LUZP2: variants seen among roughly 807,000 people sequenced by gnomAD.
The protein encoded by LUZP2 is leucine zipper protein 2.
Under a neutral mutation model 51.6 loss-of-function variants are expected in LUZP2, and 52 were observed. The observed-to-expected ratio is 1.01, with a 90% CI of 0.81 to 1.27. The LOEUF (loss-of-function observed/expected upper bound fraction) is 1.27, where lower values mean the gene tolerates loss of function less well. Among genes scored for constraint, LUZP2 ranks in the 50% most tolerant of loss-of-function variants. The pLI is 0.00. For missense variants in LUZP2, 436 were observed against 395.4 expected, an observed-to-expected ratio of 1.10 and a Z score of -0.87; for synonymous variants, 154 against 137.3, an observed-to-expected ratio of 1.12 and a Z score of -0.85.
chr11:24,831,855 A>G (rs542138602), intron 5 of LUZP2: 42 of 152,698 alleles, frequency 2.8e-4, no homozygotes, highest in Non-Finnish European at 5.3e-4. Flanking sequence ...TTTGTAATAA[A>G]TAAATCTCTC....
chr11:24,933,122 C>G (rs887104277), intron 7 of LUZP2, among the ~76,000 whole-genome samples: 1 of 152,202 alleles, frequency 6.6e-6, no homozygotes, highest in African/African-American at 2.4e-5. Flanking sequence ...TTCAGGGGTG[C>G]ACAATCCTCC....
At chr11:24,704,456 A>C (rs891082758) in intron 1 of LUZP2, among the ~76,000 whole-genome samples, 24 of 151,724 alleles carry the variant, frequency 1.6e-4, no homozygotes, top group South Asian at 4.2e-4. Context: ...AAAAAAAAAA[A>C]CAGGATTACG....
chr11:24,925,124 A>T lies in LUZP2; in HGVS notation c.522+10586A>T, dbSNP rs564059292. Among the ~76,000 whole-genome samples the T allele has an allele frequency of 5.3e-5, 8 of 152,254 alleles. No individual in the cohort carries two copies. In the South Asian group the frequency reaches 1.7e-3, roughly 32 times the overall value. On this transcript the variant is annotated intron_variant, in intron 7 of 11. Coordinates refer to ENST00000336930, the MANE Select transcript of LUZP2 (RefSeq NM_001009909.4). ...AAAGAAATATATTTTGTGGTAAAAT[A>T]TTTTAATTTATTTCAGGGCCTACTA...
chr11:24,962,165 C>G (rs1306539070), intron 7 of LUZP2, among the ~76,000 whole-genome samples: 4 of 152,118 alleles, frequency 2.6e-5, no homozygotes, highest in Non-Finnish European at 5.9e-5. Context: ...ACCTTTCTCT[C>G]TGGCTGCCCT....
chr11:24,750,104 GT>G (rs549893868), intron 4 of LUZP2, among the ~76,000 whole-genome samples: 102 of 152,296 alleles, frequency 6.7e-4, no homozygotes, highest in African/African-American at 2.4e-3. Context: ...TATCTGACTT[GT>G]CAGAATACTC....
intron 5 of LUZP2, among the ~76,000 whole-genome samples, chr11:24,775,111 G>C (rs1235527979): frequency 1.3e-5 from 2 of 151,986 alleles, no homozygotes. Context: ...TGGAAAGGGG[G>C]AAGATGACGA....
intron 1 of LUZP2, among the ~76,000 whole-genome samples, chr11:24,615,443 A>G (rs1431688119): frequency 6.6e-6 from 1 of 152,052 alleles, no homozygotes; most frequent in East Asian, 1.9e-4. Context: ...TATTTTATCC[A>G]GTGTAATTCT....
chr11:24,599,887 T>C (rs1407457889), intron 1 of LUZP2, among the ~76,000 whole-genome samples: 1 of 152,140 alleles, frequency 6.6e-6, no homozygotes, highest in African/African-American at 2.4e-5. Flanking sequence ...CTCAAAGTTC[T>C]TTGCATCTTA....
At chr11:24,527,231 A>T (rs1287116864) in intron 1 of LUZP2, among the ~76,000 whole-genome samples, 1 of 151,350 alleles carries the variant, frequency 6.6e-6, no homozygotes, top group Non-Finnish European at 1.5e-5. Flanking sequence ...TTCTAAAAAG[A>T]GGCACATATG....
chr11:24,778,965 A>T (rs1386930095), intron 5 of LUZP2, among the ~76,000 whole-genome samples: 1 of 152,180 alleles, frequency 6.6e-6, no homozygotes, highest in Non-Finnish European at 1.5e-5. Flanking sequence ...TTAGTATTTC[A>T]AACAGGTGAC....
At chr11:24,523,800 C>A (rs1264981567) in intron 1 of LUZP2, among the ~76,000 whole-genome samples, 1 of 151,576 alleles carries the variant, frequency 6.6e-6, no homozygotes, top group Non-Finnish European at 1.5e-5. Flanking sequence ...TTGATCCCAA[C>A]AAAATACCTT....
chr11:24,913,808 A>C (rs575610825), intron 6 of LUZP2, among the ~76,000 whole-genome samples: 1 of 152,196 alleles, frequency 6.6e-6, no homozygotes, highest in South Asian at 2.1e-4. Flanking sequence ...TGAAGTCCTT[A>C]TATTTAATGT....
chr11:24,934,024 G>A (rs959414073), intron 7 of LUZP2, among the ~76,000 whole-genome samples: 1 of 152,158 alleles, frequency 6.6e-6, no homozygotes, highest in Non-Finnish European at 1.5e-5. Context: ...ATCGTACAAA[G>A]TACATTCTCA....
intron 7 of LUZP2, among the ~76,000 whole-genome samples, chr11:24,951,449 A>C (rs1855076319): frequency 6.6e-6 from 1 of 151,576 alleles, no homozygotes; most frequent in Admixed American, 6.6e-5. Context: ...CAATGCTTTT[A>C]AGTTATATTT....
At chr11:24,796,308 A>G (rs746608858) in intron 5 of LUZP2, among the ~76,000 whole-genome samples, 4 of 152,068 alleles carry the variant, frequency 2.6e-5, no homozygotes, top group Non-Finnish European at 5.9e-5. Context: ...TATGTTTAGC[A>G]TGTTCTACTT....
At chr11:24,510,590 C>G (rs1850278921) in intron 1 of LUZP2, among the ~76,000 whole-genome samples, 1 of 152,160 alleles carries the variant, frequency 6.6e-6, no homozygotes, top group Non-Finnish European at 1.5e-5. Context: ...AGTGGGCAAA[C>G]AGCTGCATTC....
chr11:24,682,539 G>T lies in LUZP2; in HGVS notation c.63-46630G>T, dbSNP rs575477106. Among the ~76,000 whole-genome samples, 226 of 141,786 alleles carry T rather than the reference G, an allele frequency of 1.6e-3. 3 individuals carry two copies. Among genetic ancestry groups the T allele is most frequent in the Non-Finnish European group, 2.6e-3 (173 of 65,528 alleles). The allele number at this position is 141,786 out of a possible 152,430, so 93.0% of individuals were successfully genotyped here. On this transcript the variant is annotated intron_variant, in intron 1 of 11. Coordinates refer to ENST00000336930, the MANE Select transcript of LUZP2 (RefSeq NM_001009909.4). ...AATGCAAATTCAGTAGGTTCAGTGT[G>T]TATATGTATATATACACACTGAACC...
intron 1 of LUZP2, chr11:24,701,702 T>C (rs1007258961): frequency 3.3e-5 from 5 of 152,314 alleles, no homozygotes; most frequent in African/African-American, 1.2e-4. Context: ...GAGGGAATCC[T>C]ACCTCATCCC....
chr11:24,498,289 T>A (rs1161810025), intron 1 of LUZP2, among the ~76,000 whole-genome samples: 1 of 152,190 alleles, frequency 6.6e-6, no homozygotes, highest in Non-Finnish European at 1.5e-5. Context: ...ATTATTTGAT[T>A]GTGCATCTGA....
Sources: gnomAD v4.1 joint callset for allele counts (sites outside exome capture counted in the v4.1 genomes callset) on GRCh38, gnomAD v4.1.1 for gene constraint, MANE v1.5 for transcripts, NCBI Gene and HGNC (gene_info 2026-07-23, HGNC 2026-07-21) for gene names.